ABCC1: variants seen among roughly 807,000 people sequenced by gnomAD.
ABCC1 encodes the protein multidrug resistance-associated protein 1.
A neutral mutation model predicts 172.9 loss-of-function variants in ABCC1; 83 were observed. That is an observed-to-expected ratio of 0.48 (90% CI 0.40 to 0.58). The LOEUF is 0.58. Among genes scored for constraint, ABCC1 ranks in the 20% least tolerant of loss-of-function variants. The probability of loss-of-function intolerance (pLI) is 0.00; values close to 1 mark genes in which losing one functional copy is unlikely to be tolerated. For missense variants in ABCC1, 1,817 were observed against 2,002.7 expected (o/e 0.91, Z 1.77); for synonymous variants, 937 against 825.2 (o/e 1.14, Z -2.32).
rs1204240009 is a variant in ABCC1 at position 16,115,965 on chromosome 16, C to T, written c.3390+889C>T. On this transcript the variant is annotated intron_variant, in intron 23 of 30. Transcript: ENST00000399410. ...TCGCCCAGGCTGGAGTGCAGTGGCG[C>T]GATCTCGGCTCACTGCAAGCTCCAC... Among the ~76,000 whole-genome samples, 14 of 151,422 alleles carry T rather than the reference C, an allele frequency of 9.2e-5. No individual in the cohort carries two copies. In the South Asian group the frequency reaches 1.7e-3, roughly 18 times the overall value.
chr16:16,076,393 A>G lies in ABCC1; in HGVS notation c.1980A>G (p.Thr660=), dbSNP rs776069997. The G allele has an allele frequency of 6.2e-7, 1 of 1,608,504 alleles. No individual in the cohort carries two copies. Among genetic ancestry groups the G allele is most frequent in the Admixed American group, 1.7e-5 (1 of 58,784 alleles). ...TFTWARSDPP[T]LNGITFSIPE... The stretch of plus-strand genomic sequence containing the variant: ...CCTGGGCCAGGAGCGACCCTCCCAC[A>G]CTGAATGGGTAAGCCGGGACGTGGA... The change falls in exon 15 of 31, where the codon ACA becomes ACG. Residue 660 remains threonine, a synonymous_variant. Coordinates refer to ENST00000399410, the MANE Select transcript of ABCC1 (RefSeq NM_004996.4).
chr16:16,138,558 G>C lies in ABCC1; in HGVS notation c.4487G>C (p.Arg1496Thr). 1 of 1,580,034 alleles carries C rather than the reference G, an allele frequency of 6.3e-7. No individual in the cohort carries two copies. The highest frequency in any genetic ancestry group is 8.7e-7 in the Non-Finnish European group (1 of 1,155,354). The change falls in exon 30 of 31, where the codon AGG (arginine) becomes ACG (threonine). Residue 1496 changes from arginine to threonine, a missense_variant and splice_region_variant. Physicochemically the swap from Arg to Thr is moderately conservative, Grantham distance 71. Coordinates refer to ENST00000399410, the MANE Select transcript of ABCC1 (RefSeq NM_004996.4). ...CTCAACACCATCATGGACTACACAA[G>C]GTGATGCCACTGGCACAGTGGCCTC... ...HRLNTIMDYT[R>T]VIVLDKGEIQ...
chr16:16,070,481 G>A (rs767923546), intron 13 of ABCC1, among the ~76,000 whole-genome samples: 4 of 152,142 alleles, frequency 2.6e-5, no homozygotes, highest in South Asian at 2.1e-4. Flanking sequence ...TGGCTAACAC[G>A]GTGAAACCCT....
At chr16:15,999,802 T>TCTCTCTCTCTCTCTCTCTC (rs2047199977) in intron 1 of ABCC1, among the ~76,000 whole-genome samples, 1 of 31,858 alleles carries the variant, frequency 3.1e-5, no homozygotes, top group Non-Finnish European at 9.3e-5. Flanking sequence ...TCTCTCTCTC[T>TCTCTCTCTCTCTCTCTCTC]CTCTCTCCTC....
intron 29 of ABCC1, 124 bp downstream of exon 29, chr16:16,136,768 C>T (rs1567446131): frequency 1.1e-5 from 13 of 1,151,672 alleles, no homozygotes; most frequent in Middle Eastern, 2.8e-4. Context: ...CCATTTGTCC[C>T]TTCACCTCTT....
At chr16:15,949,405 G>C (rs1481508603), upstream of ABCC1, among the ~76,000 whole-genome samples, 1 of 151,856 alleles carries the variant, frequency 6.6e-6, no homozygotes, top group Non-Finnish European at 1.5e-5. Context: ...CCGTCCGCGA[G>C]CGGGTGGGCC....
intron 18 of ABCC1, among the ~76,000 whole-genome samples, chr16:16,089,596 G>A (rs536348339): frequency 2.6e-5 from 4 of 151,686 alleles, no homozygotes; most frequent in African/African-American, 9.7e-5. Context: ...TGGGCTGGGC[G>A]CAGCGGCTCA....
chr16:16,016,405 C>T lies in ABCC1; in HGVS notation c.490-91C>T, dbSNP rs947296292. The T allele has an allele frequency of 7.7e-5, 116 of 1,510,540 alleles. 1 individual carries two copies. The highest frequency in any genetic ancestry group is 6.4e-4 in the South Asian group (53 of 83,270). The allele number at this position is 1,510,540 out of a possible 1,614,324, so 93.6% of individuals were successfully genotyped here. On this transcript the variant is annotated intron_variant, in intron 4 of 30. Transcript: ENST00000399410. ...TTGACCTCAGGTGTTCTGCCTGTCT[C>T]GGCCTCCAAAAGTGCTAGGATTACA...
chr16:16,041,669 T>C (rs2048983083), intron 7 of ABCC1, among the ~76,000 whole-genome samples: 1 of 152,198 alleles, frequency 6.6e-6, no homozygotes, highest in African/African-American at 2.4e-5. Context: ...GAGAAAGGAA[T>C]GCAGCTCGTG....
intron 1 of ABCC1, among the ~76,000 whole-genome samples, chr16:16,005,264 T>G (rs892746493): frequency 6.6e-6 from 1 of 151,744 alleles, no homozygotes; most frequent in Admixed American, 6.6e-5. Flanking sequence ...AATGGACAAC[T>G]GGGCCTAATC....
Position 16,142,879 on chromosome 16 carries a change from C to T in ABCC1, c.*1598C>T, listed in dbSNP as rs994187253. ...CAAGACTCAGACTTGCTAAGAATTA[C>T]GCCGCCGACTTCAAACCCAGAGAGC... On this transcript the variant is annotated 3_prime_UTR_variant, in exon 31 of 31. Coordinates refer to ENST00000399410, the MANE Select transcript of ABCC1 (RefSeq NM_004996.4). 2.6e-5 allele frequency: 4 copies of T among 152,556 alleles called. No individual in the cohort carries two copies. The highest frequency in any genetic ancestry group is 4.8e-5 in the African/African-American group (2 of 41,446). The allele number at this position is 152,556 out of a possible 1,614,324, so 9.5% of individuals were successfully genotyped here. A position where few individuals can be genotyped will look rare whatever the true frequency, so the allele number is the denominator to read the frequency against.
chr16:15,996,541 C>A (rs1373226318), intron 1 of ABCC1, among the ~76,000 whole-genome samples: 1 of 152,176 alleles, frequency 6.6e-6, no homozygotes. Flanking sequence ...TTCATAATCA[C>A]TTTTTCTGCC....
intron 7 of ABCC1, among the ~76,000 whole-genome samples, chr16:16,042,828 A>C (rs767194222): frequency 6.6e-6 from 1 of 152,140 alleles, no homozygotes; most frequent in East Asian, 1.9e-4. Flanking sequence ...TAGTGTGTTC[A>C]CAGAGTTGTG....
intron 1 of ABCC1, among the ~76,000 whole-genome samples, chr16:15,958,424 A>G (rs1374627053): frequency 6.6e-6 from 1 of 152,020 alleles, no homozygotes; most frequent in Non-Finnish European, 1.5e-5. Context: ...GCCTTTTTAA[A>G]ATTGTGCTTC....
intron 7 of ABCC1, among the ~76,000 whole-genome samples, chr16:16,039,209 T>TGTG (rs1567337811): frequency 5.1e-5 from 7 of 137,132 alleles, no homozygotes; most frequent in Non-Finnish European, 1.1e-4. Flanking sequence ...GAGGAAGCTT[T>TGTG]TGTGTGTGTG....
At chr16:16,061,125 G>A (rs574769627) in intron 12 of ABCC1, among the ~76,000 whole-genome samples, 7 of 150,882 alleles carry the variant, frequency 4.6e-5, no homozygotes, top group Non-Finnish European at 7.4e-5. Context: ...GGGTTTAGCC[G>A]TGTTGGCCAG....
chr16:16,106,750 C>G lies in ABCC1; in HGVS notation c.2748C>G (p.Ser916Arg). The G allele has an allele frequency of 6.2e-7, 1 of 1,614,014 alleles. No homozygotes were observed. ...AGKQLQRQLS[S>R]SSSYSGDISR... Reference sequence around the variant, plus strand: ...TTTGCTTCTCCAGACAGCTCAGCAGCTCCTCCTCCTATAGTGGGGACATCA... The same window carrying G: ...TTTGCTTCTCCAGACAGCTCAGCAGGTCCTCCTCCTATAGTGGGGACATCA... Residue 916 changes from serine to arginine, a missense_variant, in exon 21 of 31, where the codon AGC (serine) becomes AGG (arginine). Ser to Arg is a moderately radical substitution (Grantham distance 110). Coordinates refer to ENST00000399410, the MANE Select transcript of ABCC1 (RefSeq NM_004996.4).
intron 1 of ABCC1, among the ~76,000 whole-genome samples, chr16:15,988,114 C>T (rs1237896209): frequency 1.3e-5 from 2 of 152,084 alleles, no homozygotes; most frequent in African/African-American, 4.8e-5. Flanking sequence ...TGCACTACCA[C>T]GCTATGTTGG....
At chr16:16,019,447 C>G (rs2048121457) in intron 5 of ABCC1, among the ~76,000 whole-genome samples, 1 of 152,124 alleles carries the variant, frequency 6.6e-6, no homozygotes, top group African/African-American at 2.4e-5. Flanking sequence ...CAAGTCACAC[C>G]TCAACTGGGT....
Sources: allele counts gnomAD v4.1 joint callset (sites outside exome capture counted in the v4.1 genomes callset), GRCh38; gene constraint gnomAD v4.1.1; transcripts MANE v1.5; gene names NCBI Gene and HGNC (gene_info 2026-07-23, HGNC 2026-07-21).